Variants in RNF17 observed in about 807,000 individuals in gnomAD.
RNF17 encodes ring finger protein 17, also known as spermatogenesis associated 23.
RNF17 carries 31 observed loss-of-function variants against 200.5 expected under a neutral mutation model. The ratio of observed to expected loss-of-function variants is 0.15; its 90% CI spans 0.12 to 0.21. The LOEUF (loss-of-function observed/expected upper bound fraction) is 0.21, where lower values mean the gene tolerates loss of function less well. RNF17 is among the 10% of genes least tolerant of loss of function. The pLI, the probability that RNF17 is intolerant of heterozygous loss-of-function variation, is 1.00. For synonymous variants in RNF17, 606 were observed against 637.8 expected (o/e 0.95, Z 0.75); for missense variants, 1,628 against 1,905.1 (o/e 0.85, Z 2.71).
At chr13:24,858,645 T>C (rs1383521780) in intron 25 of RNF17, among the ~76,000 whole-genome samples, 3 of 150,838 alleles carry the variant, frequency 2.0e-5, no homozygotes, top group African/African-American at 7.3e-5. Flanking sequence ...AATTGAAATT[T>C]TAATTTATAT....
intron 15 of RNF17, among the ~76,000 whole-genome samples, chr13:24,816,186 C>T (rs1887389455): frequency 6.6e-6 from 1 of 152,188 alleles, no homozygotes; most frequent in Non-Finnish European, 1.5e-5. Context: ...AGCCGTGGGC[C>T]ACTGCGCCTG....
rs1020901941 is a variant in RNF17 at position 24,821,111 on chromosome 13, T to C, written c.2092-4508T>C. Among the ~76,000 whole-genome samples, 4 of 152,314 alleles carry C rather than the reference T, an allele frequency of 2.6e-5. No individual in the cohort carries two copies. The East Asian group carries it at 7.7e-4, about 29-fold the overall frequency. ...ATTTTGGTGGCTTGCTGGCAATCTT[T>C]TGTGCACCTTTGCCTTTGCTGCATC... is the stretch of plus-strand genomic sequence containing the variant. On this transcript the variant is annotated intron_variant, in intron 15 of 35. Transcript: ENST00000255324.
At chr13:24,831,583 TA>T (rs904727885) in intron 17 of RNF17, among the ~76,000 whole-genome samples, 1 of 152,260 alleles carries the variant, frequency 6.6e-6, no homozygotes, top group Non-Finnish European at 1.5e-5. Flanking sequence ...ACCTGCTTTT[TA>T]CAAGTAATTA....
rs1052272 is a variant in RNF17 at position 24,879,841 on chromosome 13, A to C, written c.*115A>C. 20,621 of 152,206 alleles carry C rather than the reference A, an allele frequency of 0.14. 1,590 individuals are homozygous for C. Among genetic ancestry groups the C allele is most frequent in the East Asian group, 0.32 (1,649 of 5,176 alleles). The allele number at this position is 152,206 out of a possible 1,614,324, so 9.4% of individuals were successfully genotyped here. A position where few individuals can be genotyped will look rare whatever the true frequency, so the allele number is the denominator to read the frequency against. ...GCTTAATTTTCCTAACTTGTTCAGCACTAGTGCTTTACCTCTCATTTTTAA... is the reference window on the plus strand; with the variant it reads ...GCTTAATTTTCCTAACTTGTTCAGCCCTAGTGCTTTACCTCTCATTTTTAA... On this transcript the variant is annotated 3_prime_UTR_variant, in exon 36 of 36. Transcript: ENST00000255324.
intron 10 of RNF17, among the ~76,000 whole-genome samples, chr13:24,795,586 G>A (rs777144603): frequency 2.0e-5 from 3 of 151,992 alleles, no homozygotes; most frequent in Admixed American, 6.6e-5. Flanking sequence ...AAAAGCACAC[G>A]CATTCCCCTA....
intron 5 of RNF17, among the ~76,000 whole-genome samples, chr13:24,781,035 T>A (rs1882291260): frequency 6.6e-6 from 1 of 152,148 alleles, no homozygotes. Flanking sequence ...CTAAAATACA[T>A]TGGTGAAACA....
chr13:24,775,896 A>C lies in RNF17; in HGVS notation c.317+992A>C, dbSNP rs138637316. On this transcript the variant is annotated intron_variant, in intron 3 of 35. Coordinates refer to ENST00000255324, the MANE Select transcript of RNF17 (RefSeq NM_031277.3). Reference sequence around the variant, plus strand: ...ATCTCTGGTTTGGGACACAGAGTAAACATGTAATGTTTATTACAGTACATG... The same window carrying C: ...ATCTCTGGTTTGGGACACAGAGTAACCATGTAATGTTTATTACAGTACATG... Among the ~76,000 whole-genome samples the C allele has an allele frequency of 3.9e-5, 6 of 152,238 alleles. No homozygotes were observed. In the East Asian group the frequency reaches 1.2e-3, roughly 29 times the overall value.
At chr13:24,878,286 C>T (rs1175693972) in intron 34 of RNF17, among the ~76,000 whole-genome samples, 2 of 152,200 alleles carry the variant, frequency 1.3e-5, no homozygotes. Context: ...ATAGCTCATA[C>T]AGGGTTTCTC....
intron 9 of RNF17, among the ~76,000 whole-genome samples, chr13:24,790,800 C>T (rs1294729224): frequency 6.6e-6 from 1 of 152,150 alleles, no homozygotes; most frequent in East Asian, 1.9e-4. Context: ...GGACAAATAA[C>T]TATCTTCACA....
At chr13:24,840,844 C>T (rs1454466278) in intron 18 of RNF17, among the ~76,000 whole-genome samples, 1 of 152,134 alleles carries the variant, frequency 6.6e-6, no homozygotes, top group Non-Finnish European at 1.5e-5. Context: ...AAAGAACTTA[C>T]TCGTTTAACC....
At chr13:24,884,465 T>TA, downstream of RNF17, 1 of 1,613,954 alleles carries the variant, frequency 6.2e-7, no homozygotes, top group Non-Finnish European at 8.5e-7. Flanking sequence ...CTTTTCCACC[T>TA]AAAAAACCAA....
rs374428020 is a variant in RNF17, at chr13:24,843,936, T to C, written c.2796T>C (p.Tyr932=). 3.2e-5 allele frequency: 50 copies of C among 1,543,454 alleles called. No individual in the cohort carries two copies. Among genetic ancestry groups the C allele is most frequent in the South Asian group, 2.4e-4 (20 of 82,156 alleles). ...ATGTAATATCTCCTGAGAAGATTTA[T>C]GTTCAGTGGTTGTTAACTGAAAACT... ...ICNVISPEKI[Y]VQWLLTENLL... The change falls in exon 20 of 36, where the codon TAT becomes TAC. Residue 932 remains tyrosine, a synonymous_variant. Coordinates refer to ENST00000255324, the MANE Select transcript of RNF17 (RefSeq NM_031277.3).
At chr13:24,862,188 A>G (rs1893167058) in intron 27 of RNF17, among the ~76,000 whole-genome samples, 1 of 152,196 alleles carries the variant, frequency 6.6e-6, no homozygotes, top group Non-Finnish European at 1.5e-5. Context: ...AAACCATATC[A>G]TGGTCCCTTG....
the RNF17 span, chr13:24,750,994 A>C: frequency 6.6e-6 from 1 of 152,094 alleles, no homozygotes; most frequent in Non-Finnish European, 1.5e-5. Flanking sequence ...GATAACAATA[A>C]GTTACTGAAC....
intron 33 of RNF17, 65 bp from the exon 34 acceptor site, chr13:24,876,932 T>C: frequency 1.5e-6 from 2 of 1,341,790 alleles, no homozygotes; most frequent in Non-Finnish European, 2.0e-6. Flanking sequence ...CCCTATGTTT[T>C]CTTCTAAGAA....
rs1277661293 is a variant in RNF17 at position 24,863,058 on chromosome 13, A to T, written c.3975+265A>T. On this transcript the variant is annotated intron_variant, in intron 28 of 35. Transcript: ENST00000255324. ...AACAGCTTGTTTTGTTACAGGGAGCAGTATTAAATTGTTGGACATGTTTAT... is the reference window on the plus strand; with the variant it reads ...AACAGCTTGTTTTGTTACAGGGAGCTGTATTAAATTGTTGGACATGTTTAT... Among the ~76,000 whole-genome samples the T allele has an allele frequency of 2.0e-5, 3 of 152,196 alleles. No homozygotes were observed. In the East Asian group the frequency reaches 5.8e-4, roughly 29 times the overall value.
At chr13:24,854,855 TAAC>T (rs746179338) in intron 25 of RNF17, among the ~76,000 whole-genome samples, 2 of 152,160 alleles carry the variant, frequency 1.3e-5, no homozygotes, top group African/African-American at 2.4e-5. Flanking sequence ...ATTATTTAAA[TAAC>T]AACATTAAGA....
In RNF17 at chr13:24,789,376, A is replaced by G. The variant is rs146461753; in HGVS notation, c.812A>G (p.Asp271Gly). The G allele has an allele frequency of 2.5e-6, 4 of 1,604,542 alleles. No individual in the cohort carries two copies. The highest frequency in any genetic ancestry group is 3.4e-6 in the Non-Finnish European group (4 of 1,173,114). ...QIIRTLQLTS[D>G]SELAQVSSPQ... The stretch of plus-strand genomic sequence containing the variant: ...ATCCGGACTTTGCAGTTAACTTCAG[A>G]TAGTGAATTAGCACAAGTTAGTTCT... Residue 271 changes from aspartate to glycine, a missense_variant, in exon 8 of 36, where the codon GAT (aspartate) becomes GGT (glycine). This residue lies in a region of RNF17 where 502 missense variants were observed against 501.7 expected (regional missense o/e 1.00). Transcript: ENST00000255324.
At chr13:24,835,384 T>G (rs1158056037) in intron 18 of RNF17, among the ~76,000 whole-genome samples, 1 of 152,106 alleles carries the variant, frequency 6.6e-6, no homozygotes, top group Non-Finnish European at 1.5e-5. Context: ...AAATAGAGCA[T>G]TAAACCACCA....
Sources: gnomAD v4.1 joint callset for allele counts (sites outside exome capture counted in the v4.1 genomes callset) on GRCh38, gnomAD v4.1.1 for gene constraint, gnomAD v4.1.1 regional missense constraint, MANE v1.5 for transcripts, NCBI Gene and HGNC (gene_info 2026-07-23, HGNC 2026-07-21) for gene names.